The following CLVS1 variants were observed in gnomAD, a reference collection of about 807,000 sequenced individuals.
The protein encoded by CLVS1 is clavesin-1.
A neutral mutation model predicts 33.1 loss-of-function variants in CLVS1; 10 were observed. The observed-to-expected ratio is 0.30, with a 90% CI of 0.19 to 0.51. The LOEUF is 0.51. CLVS1 is among the 20% of genes least tolerant of loss of function. CLVS1 has a pLI of 0.97. For synonymous variants in CLVS1, 163 were observed against 166.1 expected, an observed-to-expected ratio of 0.98 and a Z score of 0.14; for missense variants, 343 against 433.4, an observed-to-expected ratio of 0.79 and a Z score of 1.85.
At chr8:61,061,697 G>A (rs755506368) in intron 1 of CLVS1, among the ~76,000 whole-genome samples, 6 of 151,548 alleles carry the variant, frequency 4.0e-5, no homozygotes, top group Non-Finnish European at 7.4e-5. Flanking sequence ...TCTTTTTTAC[G>A]GAATCAGAAT....
chr8:61,496,799 G>C (rs1804282295), intron 5 of CLVS1, among the ~76,000 whole-genome samples: 2 of 152,164 alleles, frequency 1.3e-5, no homozygotes, highest in Admixed American at 1.3e-4. Context: ...GATTTTTATG[G>C]TGAGGTGGAA....
the CLVS1 span, among the ~76,000 whole-genome samples, chr8:61,044,657 C>G: frequency 1.3e-5 from 2 of 152,190 alleles, no homozygotes; most frequent in African/African-American, 4.8e-5. Flanking sequence ...TTGACATGAG[C>G]TGAAAATGGA....
intron 2 of CLVS1, among the ~76,000 whole-genome samples, chr8:61,232,023 G>GTTTGT: frequency 1.6e-5 from 1 of 62,628 alleles, no homozygotes; most frequent in African/African-American, 4.7e-5. Flanking sequence ...GAAAGTTGTG[G>GTTTGT]TTTTTTTTTT....
chr8:61,049,359 T>G, the CLVS1 span, among the ~76,000 whole-genome samples: 5 of 152,244 alleles, frequency 3.3e-5, no homozygotes, highest in Admixed American at 3.3e-4. Flanking sequence ...CCATTGAATT[T>G]TCTTGCATAT....
At chr8:61,286,243 G>A (rs1000094284), upstream of CLVS1, among the ~76,000 whole-genome samples, 2 of 152,130 alleles carry the variant, frequency 1.3e-5, no homozygotes, top group African/African-American at 4.8e-5. Context: ...CATGGCCAGA[G>A]TAAGCTCATG....
intron 5 of CLVS1, among the ~76,000 whole-genome samples, chr8:61,468,251 A>G (rs1241231754): frequency 2.0e-5 from 3 of 152,202 alleles, no homozygotes; most frequent in African/African-American, 7.2e-5. Flanking sequence ...TGCTTTTCCA[A>G]AAGCCTAGTG....
intron 2 of CLVS1, among the ~76,000 whole-genome samples, chr8:61,331,058 G>A (rs978941376): frequency 1.8e-3 from 270 of 152,112 alleles, no homozygotes; most frequent in African/African-American, 6.0e-3. Context: ...CTCCAGCCAG[G>A]ATCCAGAACA....
At chr8:61,306,724 T>C (rs1002518936) in intron 2 of CLVS1, among the ~76,000 whole-genome samples, 1 of 152,242 alleles carries the variant, frequency 6.6e-6, no homozygotes, top group African/African-American at 2.4e-5. Context: ...GGAACCTCCA[T>C]ACTGTTCTCC....
chr8:61,444,583 T>C (rs2129606394), intron 3 of CLVS1, among the ~76,000 whole-genome samples: 1 of 152,300 alleles, frequency 6.6e-6, no homozygotes, highest in Non-Finnish European at 1.5e-5. Context: ...CAGGCAGACA[T>C]GGAGTAACTG....
At position 61,088,475 on chromosome 8, in the gene CLVS1, G is replaced by C. The variant is rs368238240; in HGVS notation, c.-243+31245G>C. ...ACTGCACTCCAGCCAAGGTAACAGA[G>C]CGAGACTGTCTCAAAAAAAAAAAAA... On this transcript the variant is annotated intron_variant, in intron 1 of 2. Coordinates refer to the CLVS1 transcript ENST00000522621. Among the ~76,000 whole-genome samples, 5 of 120,408 alleles carry C rather than the reference G, an allele frequency of 4.2e-5. No individual in the cohort carries two copies. In the East Asian group the frequency reaches 7.8e-4, roughly 19 times the overall value. The allele number at this position is 120,408 out of a possible 152,430, so 79.0% of individuals were successfully genotyped here.
Position 61,289,591 on chromosome 8 carries a change from G to C in CLVS1, c.-152+1453G>C, listed in dbSNP as rs545961224. Reference sequence around the variant, plus strand: ...ATTAAAAACGAGATTATTTAAATGGGAATAATAGGTCACACATGATAAGAA... The same window carrying C: ...ATTAAAAACGAGATTATTTAAATGGCAATAATAGGTCACACATGATAAGAA... On this transcript the variant is annotated intron_variant, in intron 1 of 5. Transcript: ENST00000325897. 1.6e-4 allele frequency among the ~76,000 whole-genome samples: 24 copies of C among 152,242 alleles called. 1 individual carries two copies. The highest frequency in any genetic ancestry group is 1.5e-3 in the Admixed American group (23 of 15,298).
At chr8:61,054,454 G>A (rs1393653854), upstream of CLVS1, among the ~76,000 whole-genome samples, 2 of 152,176 alleles carry the variant, frequency 1.3e-5, no homozygotes, top group African/African-American at 4.8e-5. Context: ...CAGCATCTGG[G>A]GAAAGCAGAC....
intron 2 of CLVS1, among the ~76,000 whole-genome samples, chr8:61,177,802 C>CAA (rs58292797): frequency 2.5e-4 from 36 of 141,406 alleles, no homozygotes; most frequent in African/African-American, 8.9e-4. Flanking sequence ...ACAACAGCAT[C>CAA]AAAAAAAAAA....
intron 1 of CLVS1, among the ~76,000 whole-genome samples, chr8:61,101,860 A>T (rs577025654): frequency 6.6e-6 from 1 of 151,730 alleles, no homozygotes; most frequent in South Asian, 2.1e-4. Context: ...TTATTGAAAG[A>T]CTATTCTTTT....
chr8:61,161,468 TAAA>T (rs1325212608), intron 2 of CLVS1, among the ~76,000 whole-genome samples: 2 of 152,186 alleles, frequency 1.3e-5, no homozygotes, highest in Admixed American at 6.5e-5. Flanking sequence ...TATTCAGCCT[TAAA>T]AAAGAAGAAA....
chr8:60,979,181 A>G, the CLVS1 span, among the ~76,000 whole-genome samples: 1 of 152,204 alleles, frequency 6.6e-6, no homozygotes, highest in African/African-American at 2.4e-5. Flanking sequence ...GCCAGGTGAC[A>G]TTGAACAACT....
intron 3 of CLVS1, 95 bp downstream of exon 3, chr8:61,376,874 A>C: frequency 8.6e-7 from 1 of 1,168,492 alleles, no homozygotes; most frequent in Non-Finnish European, 1.2e-6. Flanking sequence ...TTTGGAGTGG[A>C]AAAAGGAAAC....
At chr8:61,065,831 C>G (rs1476717193) in intron 1 of CLVS1, among the ~76,000 whole-genome samples, 2 of 152,040 alleles carry the variant, frequency 1.3e-5, no homozygotes, top group Non-Finnish European at 2.9e-5. Flanking sequence ...TAGTGCAAAG[C>G]TTTTTTGTTG....
rs1563455082 is a variant in CLVS1 at position 61,232,029 on chromosome 8, T to TTTTC, written c.-151-67645_-151-67644insCTTT. Among the ~76,000 whole-genome samples, 2 of 43,750 alleles carry TTTTC rather than the reference T, an allele frequency of 4.6e-5. 1 individual carries two copies. The highest frequency in any genetic ancestry group is 1.9e-4 in the African/African-American group (2 of 10,708). 28.7% of individuals were successfully genotyped at this position (43,750 alleles called of 152,430 possible). A position where few individuals can be genotyped will look rare whatever the true frequency, so the allele number is the denominator to read the frequency against. The stretch of plus-strand genomic sequence containing the variant: ...AGCCCTGAGGAAAGTTGTGGTTTTT[T>TTTTC]TTTTTTTTTTTTTTTTTTTTTGTGA... On this transcript the variant is annotated intron_variant, in intron 2 of 2. Transcript: ENST00000522621.
Sources: allele counts gnomAD v4.1 joint callset (sites outside exome capture counted in the v4.1 genomes callset), GRCh38; gene constraint gnomAD v4.1.1; transcripts MANE v1.5; gene names NCBI Gene and HGNC (gene_info 2026-07-23, HGNC 2026-07-21).